CACNB2: variants seen among roughly 807,000 people sequenced by gnomAD.
CACNB2 encodes voltage-dependent L-type calcium channel subunit beta-2.
In CACNB2, 42 loss-of-function variants were observed where a neutral mutation model predicts 73.3. The observed-to-expected ratio is 0.57, with a 90% CI of 0.45 to 0.74. The LOEUF is 0.74. Among genes scored for constraint, CACNB2 ranks in the 30% least tolerant of loss-of-function variants. CACNB2 has a pLI of 0.00. For missense variants in CACNB2, 940 were observed against 853.0 expected (o/e 1.10, Z -1.27); for synonymous variants, 348 against 310.3 (o/e 1.12, Z -1.28).
intron 2 of CACNB2, among the ~76,000 whole-genome samples, chr10:18,213,764 G>C (rs1392847122): frequency 6.6e-6 from 1 of 152,172 alleles, no homozygotes; most frequent in Admixed American, 6.5e-5. Flanking sequence ...AAATATAATA[G>C]AATGGCTAGA....
chr10:18,370,447 A>G (rs11013890), intron 2 of CACNB2, among the ~76,000 whole-genome samples: 39,554 of 152,046 alleles, frequency 0.26, 5,358 homozygotes, highest in Non-Finnish European at 0.28. Flanking sequence ...ACAGACATGC[A>G]CCACCATGCC....
chr10:18,447,293 G>A (rs1031828342), intron 3 of CACNB2, among the ~76,000 whole-genome samples: 1 of 152,156 alleles, frequency 6.6e-6, no homozygotes, highest in African/African-American at 2.4e-5. Context: ...GTATTTGGAA[G>A]CATGGAGAAA....
At chr10:18,227,205 G>C (rs1034554099) in intron 2 of CACNB2, among the ~76,000 whole-genome samples, 3 of 152,146 alleles carry the variant, frequency 2.0e-5, no homozygotes, top group Non-Finnish European at 4.4e-5. Flanking sequence ...GAGTGCATCA[G>C]ATCAAAGCAA....
chr10:18,375,649 C>G (rs1458159974), intron 2 of CACNB2, among the ~76,000 whole-genome samples: 1 of 152,144 alleles, frequency 6.6e-6, no homozygotes, highest in Non-Finnish European at 1.5e-5. Context: ...TGCAGGAGCC[C>G]ATTCTCTGAG....
intron 6 of CACNB2, among the ~76,000 whole-genome samples, chr10:18,511,457 C>G (rs551087492): frequency 6.6e-6 from 1 of 152,184 alleles, no homozygotes; most frequent in African/African-American, 2.4e-5. Context: ...GATCTTCCAT[C>G]CTTTGAAAAG....
intron 1 of CACNB2, 162 bp downstream of exon 1, chr10:18,141,018 C>G: frequency 6.5e-7 from 1 of 1,534,986 alleles, no homozygotes; most frequent in Non-Finnish European, 8.8e-7. Flanking sequence ...GGGACCCTGC[C>G]CCTTTGCGCC....
intron 2 of CACNB2, among the ~76,000 whole-genome samples, chr10:18,235,142 CAAA>C (rs34052926): frequency 0.075 from 7,517 of 99,680 alleles, 325 homozygotes; most frequent in African/African-American, 0.13. Flanking sequence ...GACTCTGTCT[CAAA>C]AAAAAAAAAA....
intron 2 of CACNB2, among the ~76,000 whole-genome samples, chr10:18,233,179 C>T (rs775474313): frequency 7.2e-5 from 11 of 152,232 alleles, no homozygotes; most frequent in African/African-American, 1.2e-4. Context: ...TAGGACAGGG[C>T]GGCAGATAAG....
chr10:18,535,495 G>T (rs558746239), intron 11 of CACNB2, among the ~76,000 whole-genome samples: 1 of 152,006 alleles, frequency 6.6e-6, no homozygotes, highest in Non-Finnish European at 1.5e-5. Context: ...AAATTCGGCC[G>T]GGCGCAGTGG....
At chr10:18,203,810 A>T (rs2034984541) in intron 2 of CACNB2, among the ~76,000 whole-genome samples, 1 of 152,178 alleles carries the variant, frequency 6.6e-6, no homozygotes, top group Admixed American at 6.5e-5. Context: ...TAAATAAAGA[A>T]CCGTAGTTCT....
intron 2 of CACNB2, among the ~76,000 whole-genome samples, chr10:18,325,015 G>A (rs1564437102): frequency 1.3e-5 from 2 of 152,202 alleles, no homozygotes; most frequent in Non-Finnish European, 2.9e-5. Context: ...CTCCACACTT[G>A]GATTACTGCT....
At chr10:18,206,847 T>G (rs2131334843) in intron 2 of CACNB2, 1 of 152,370 alleles carries the variant, frequency 6.6e-6, no homozygotes, top group East Asian at 1.9e-4. Flanking sequence ...ACCAAAGTTT[T>G]AAGTCCACTG....
chr10:18,457,363 T>C (rs1042027642), intron 3 of CACNB2, among the ~76,000 whole-genome samples: 3 of 152,122 alleles, frequency 2.0e-5, no homozygotes, highest in Non-Finnish European at 2.9e-5. Context: ...GTGCTGGAAT[T>C]ACAGGCATGA....
Position 18,498,464 on chromosome 10 carries a change from T to C in CACNB2, c.443T>C (p.Leu148Pro). The C allele has an allele frequency of 6.2e-7, 1 of 1,614,132 alleles. No homozygotes were observed. The highest frequency in any genetic ancestry group is 8.5e-7 in the Non-Finnish European group (1 of 1,179,982). The change falls in exon 4 of 14, where the codon CTG (leucine) becomes CCG (proline). Residue 148 changes from leucine to proline, a missense_variant. Coordinates refer to ENST00000324631, the MANE Select transcript of CACNB2 (RefSeq NM_201596.3). ...ATCTCATTCGAAGCAAAAGATTTTC[T>C]GCATGTTAAGGAAGTAAGGAGAATA... ...MAISFEAKDF[L>P]HVKEKFNNDW...
chr10:18,259,465 G>A (rs2037427214), intron 2 of CACNB2, among the ~76,000 whole-genome samples: 1 of 150,322 alleles, frequency 6.7e-6, no homozygotes. Context: ...AACACTTTGG[G>A]AGGCCAAGCT....
intron 3 of CACNB2, among the ~76,000 whole-genome samples, chr10:18,409,547 C>T (rs972609798): frequency 6.6e-6 from 1 of 152,196 alleles, no homozygotes; most frequent in African/African-American, 2.4e-5. Context: ...CGGGAAAGGC[C>T]ATCCGCTGGG....
intron 5 of CACNB2, among the ~76,000 whole-genome samples, chr10:18,503,946 C>T (rs4748476): frequency 0.8 from 122,422 of 152,172 alleles, 49,423 homozygotes; most frequent in East Asian, 0.98. Flanking sequence ...ACTCCCCTGG[C>T]TCATGTCTTA....
chr10:18,522,687 C>T (rs1316090643), intron 9 of CACNB2, among the ~76,000 whole-genome samples: 3 of 151,828 alleles, frequency 2.0e-5, no homozygotes, highest in African/African-American at 4.8e-5. Flanking sequence ...AGACCGGCTT[C>T]GCCAACATGG....
rs976083918 is a variant in CACNB2, at chr10:18,543,316, C to T, written c.*3592C>T. 3 of 152,130 alleles carry T rather than the reference C, an allele frequency of 2.0e-5. No individual in the cohort carries two copies. Among genetic ancestry groups the T allele is most frequent in the Admixed American group, 6.5e-5 (1 of 15,278 alleles). 9.4% of individuals were successfully genotyped at this position (152,130 alleles called of 1,614,324 possible). The stretch of plus-strand genomic sequence containing the variant: ...CTGATTAAAAAAAAAGATACCTCCA[C>T]GTAGATAAAATATTTTATTCAACGT... On this transcript the variant is annotated 3_prime_UTR_variant, in exon 14 of 14. Transcript: ENST00000324631.
Sources: gnomAD v4.1 joint callset for allele counts (sites outside exome capture counted in the v4.1 genomes callset) on GRCh38, gnomAD v4.1.1 for gene constraint, MANE v1.5 for transcripts, NCBI Gene and HGNC (gene_info 2026-07-23, HGNC 2026-07-21) for gene names.